AKT3: variants seen among roughly 807,000 people sequenced by gnomAD.
The protein encoded by AKT3 is RAC-gamma serine/threonine-protein kinase.
Under a neutral mutation model 65.3 loss-of-function variants are expected in AKT3, and 15 were observed. That is an observed-to-expected ratio of 0.23 (90% CI 0.15 to 0.35). The LOEUF (loss-of-function observed/expected upper bound fraction) is 0.35, where lower values mean the gene tolerates loss of function less well. Among genes scored for constraint, AKT3 ranks in the 10% least tolerant of loss-of-function variants. The probability of loss-of-function intolerance (pLI) is 1.00; values close to 1 mark genes in which losing one functional copy is unlikely to be tolerated. For synonymous variants in AKT3, 206 were observed against 183.8 expected (o/e 1.12, Z -0.98); for missense variants, 243 against 576.5 (o/e 0.42, Z 5.92).
intron 10 of AKT3, among the ~76,000 whole-genome samples, chr1:243,556,166 G>A (rs555338014): frequency 6.6e-6 from 1 of 152,034 alleles, no homozygotes; most frequent in Non-Finnish European, 1.5e-5. Context: ...AAGACTCAAG[G>A]AGGTTACAGC....
chr1:243,526,778 TTAAAAAAAAAAAAAAAAAAA>T lies in AKT3; in HGVS notation c.1252-14372_1252-14353del, dbSNP rs1398091819. Among the ~76,000 whole-genome samples, 56 of 55,726 alleles carry T rather than the reference TTAAAAAAAAAAAAAAAAAAA, an allele frequency of 1.0e-3. 3 individuals are homozygous for T. Among genetic ancestry groups the T allele is most frequent in the Middle Eastern group, 0.014 (1 of 70 alleles). 36.6% of individuals were successfully genotyped at this position (55,726 alleles called of 152,430 possible). A position where few individuals can be genotyped will look rare whatever the true frequency, so the allele number is the denominator to read the frequency against. On this transcript the variant is annotated intron_variant, in intron 12 of 13. Transcript: ENST00000673466. ...TTGCCAGCTGCACTACAAAAAATGG[TTAAAAAAAAAAAAAAAAAAA>T]AAAAAAAAAAAAAAAAATTTAGACT...
chr1:243,777,826 A>ATCC (rs1459445657), intron 2 of AKT3, among the ~76,000 whole-genome samples: 2 of 152,208 alleles, frequency 1.3e-5, no homozygotes, highest in Non-Finnish European at 2.9e-5. Flanking sequence ...GCATTAAAGA[A>ATCC]TCCTACTTCA....
At chr1:243,745,852 A>G (rs753769714) in intron 2 of AKT3, among the ~76,000 whole-genome samples, 5 of 152,184 alleles carry the variant, frequency 3.3e-5, no homozygotes, top group Non-Finnish European at 7.4e-5. Context: ...TTTCCGATAC[A>G]TGCCTTTGAA....
rs748177067 is a variant in AKT3, at chr1:243,806,616, T to C, written c.46+36509A>G. On this transcript the variant is annotated intron_variant, in intron 2 of 13. Coordinates refer to ENST00000673466, the MANE Select transcript of AKT3 (RefSeq NM_005465.7). ...ACTACAACTTTTAATGTTAAGTACA[T>C]TGTATTATCTAGTGTGATTCCTTGT... Among the ~76,000 whole-genome samples the C allele has an allele frequency of 5.3e-5, 8 of 152,320 alleles. No individual in the cohort carries two copies. The East Asian group carries it at 5.8e-4, about 11-fold the overall frequency.
rs568586083 is a variant in AKT3 at position 243,660,435 on chromosome 1, T to C, written c.284+4337A>G. On this transcript the variant is annotated intron_variant, in intron 4 of 13. Coordinates refer to ENST00000673466, the MANE Select transcript of AKT3 (RefSeq NM_005465.7). ...GCAAATCAATAAACGTAATCCAGCA[T>C]ATAAACAGAACCAAAGAAAAAAACC... Among the ~76,000 whole-genome samples the C allele has an allele frequency of 3.0e-3, 452 of 152,174 alleles. 5 individuals are homozygous for C. Among genetic ancestry groups the C allele is most frequent in the African/African-American group, 0.01 (422 of 41,528 alleles).
chr1:243,571,591 A>G (rs1396774211), intron 9 of AKT3, among the ~76,000 whole-genome samples: 1 of 152,210 alleles, frequency 6.6e-6, no homozygotes, highest in Non-Finnish European at 1.5e-5. Flanking sequence ...TGTAGTGGGA[A>G]TACGAGAAGT....
At chr1:243,536,579 T>C (rs1671949347) in intron 12 of AKT3, among the ~76,000 whole-genome samples, 1 of 152,216 alleles carries the variant, frequency 6.6e-6, no homozygotes, top group Admixed American at 6.5e-5. Context: ...ATTAAGCTTT[T>C]CCTCATTCTT....
chr1:243,762,681 A>G (rs1341343977), intron 2 of AKT3, among the ~76,000 whole-genome samples: 2 of 152,102 alleles, frequency 1.3e-5, no homozygotes, highest in African/African-American at 4.8e-5. Context: ...CAATTTATGC[A>G]TGGCAAGGTA....
At chr1:243,802,357 T>C (rs915812211) in intron 2 of AKT3, among the ~76,000 whole-genome samples, 1 of 152,198 alleles carries the variant, frequency 6.6e-6, no homozygotes, top group South Asian at 2.1e-4. Context: ...AAAATAGCTA[T>C]ACATTTATAA....
chr1:243,604,211 A>G (rs1677229613), intron 8 of AKT3, among the ~76,000 whole-genome samples: 1 of 152,118 alleles, frequency 6.6e-6, no homozygotes, highest in Non-Finnish European at 1.5e-5. Flanking sequence ...TCATTTTTAT[A>G]AGTGAATTAC....
At chr1:243,785,158 G>A (rs1340749190) in intron 2 of AKT3, among the ~76,000 whole-genome samples, 1 of 150,794 alleles carries the variant, frequency 6.6e-6, no homozygotes, top group Non-Finnish European at 1.5e-5. Flanking sequence ...TCCGCCTCCT[G>A]GGTTCACACC....
chr1:243,778,386 G>A (rs1221596789), intron 2 of AKT3, among the ~76,000 whole-genome samples: 1 of 152,160 alleles, frequency 6.6e-6, no homozygotes, highest in Non-Finnish European at 1.5e-5. Flanking sequence ...CAGCTTCCCA[G>A]AGAAGATGAC....
intron 3 of AKT3, among the ~76,000 whole-genome samples, chr1:243,670,187 T>G (rs960401895): frequency 6.6e-6 from 1 of 152,208 alleles, no homozygotes; most frequent in Non-Finnish European, 1.5e-5. Context: ...AATAAACCTA[T>G]ATTTTTTAGG....
intron 8 of AKT3, among the ~76,000 whole-genome samples, chr1:243,599,696 G>A (rs1411809578): frequency 2.6e-5 from 4 of 152,062 alleles, no homozygotes; most frequent in Admixed American, 6.6e-5. Context: ...TTAATAAAGA[G>A]CATCTACGAA....
intron 2 of AKT3, among the ~76,000 whole-genome samples, chr1:243,809,475 A>C (rs369571541): frequency 6.6e-6 from 1 of 152,248 alleles, no homozygotes; most frequent in African/African-American, 2.4e-5. Context: ...TTCAACAAGA[A>C]GAGCTAACTA....
At chr1:243,695,147 A>G (rs193136701) in intron 3 of AKT3, among the ~76,000 whole-genome samples, 198 of 152,116 alleles carry the variant, frequency 1.3e-3, no homozygotes, top group Middle Eastern at 0.01. Context: ...TTTAACTACG[A>G]ACATAAAATC....
chr1:243,489,001 G>T, intron 13 of AKT3: 2 of 1,613,286 alleles, frequency 1.2e-6, no homozygotes, highest in South Asian at 1.1e-5. Context: ...TTCTGCGGTG[G>T]ATTTTTCTCC....
At chr1:243,583,195 T>TATATATATATAC (rs759291565) in intron 8 of AKT3, among the ~76,000 whole-genome samples, 42 of 88,230 alleles carry the variant, frequency 4.8e-4, no homozygotes, top group African/African-American at 2.1e-3. Flanking sequence ...TATATATATA[T>TATATATATATAC]ACACACACAC....
rs375329841 is a variant in AKT3 at position 243,505,331 on chromosome 1, T to A, written c.1358A>T (p.Asp453Val). Residue 453 changes from aspartate to valine, a missense_variant, in exon 14 of 14, where the codon GAT becomes GTT. Asp to Val is a radical substitution (Grantham distance 152). Transcript: ENST00000673466. The stretch of plus-strand genomic sequence containing the variant: ...GTCCATGCAGTCCATACCATCCTCA[T>A]CATCTGTGGGCAGGAAACATCTATT... ...TITITPPEKY[D>V]EDGMDCMDNE... 1 of 1,613,810 alleles carries A rather than the reference T, an allele frequency of 6.2e-7. No homozygotes were observed. Among genetic ancestry groups the A allele is most frequent in the Non-Finnish European group, 8.5e-7 (1 of 1,179,750 alleles).
Sources: gnomAD v4.1 joint callset for allele counts (sites outside exome capture counted in the v4.1 genomes callset) on GRCh38, gnomAD v4.1.1 for gene constraint, MANE v1.5 for transcripts, NCBI Gene and HGNC (gene_info 2026-07-23, HGNC 2026-07-21) for gene names.